Variants in PEBP4 observed in about 807,000 individuals in gnomAD.
The protein encoded by PEBP4 is phosphatidylethanolamine binding protein 4.
In PEBP4, 22 loss-of-function variants were observed where a neutral mutation model predicts 23.9. That is an observed-to-expected ratio of 0.92 (90% confidence interval 0.66 to 1.31). PEBP4 has a LOEUF of 1.31. Among genes scored for constraint, PEBP4 ranks in the 40% most tolerant of loss-of-function variants. The pLI, the probability that PEBP4 is intolerant of heterozygous loss-of-function variation, is 0.00. For missense variants in PEBP4, 324 were observed against 281.7 expected (o/e 1.15, Z -1.07); for synonymous variants, 112 against 99.3 (o/e 1.13, Z -0.76).
At chr8:22,886,026 C>T (rs1808365969) in intron 3 of PEBP4, 2 of 152,226 alleles carry the variant, frequency 1.3e-5, no homozygotes, top group African/African-American at 2.4e-5. Flanking sequence ...TTGTACTCAC[C>T]TGTTGATTCA....
intron 6 of PEBP4, among the ~76,000 whole-genome samples, chr8:22,722,740 C>T (rs1163314360): frequency 6.6e-6 from 1 of 151,494 alleles, no homozygotes; most frequent in Non-Finnish European, 1.5e-5. Flanking sequence ...AAGACTGGGA[C>T]CTTGGCTGGG....
chr8:22,795,178 T>TACA (rs1652774155), intron 4 of PEBP4, among the ~76,000 whole-genome samples: 1 of 88,248 alleles, frequency 1.1e-5, no homozygotes, highest in Non-Finnish European at 2.2e-5. Context: ...TTTTTTTTTT[T>TACA]TTTTTTTTTT....
intron 4 of PEBP4, among the ~76,000 whole-genome samples, chr8:22,751,795 G>A (rs923015178): frequency 6.6e-6 from 1 of 152,210 alleles, no homozygotes; most frequent in Non-Finnish European, 1.5e-5. Context: ...AGATGTGGAT[G>A]GGGCCCTTGG....
chr8:22,770,421 C>A (rs1019711040), intron 4 of PEBP4, among the ~76,000 whole-genome samples: 4 of 152,250 alleles, frequency 2.6e-5, no homozygotes, highest in African/African-American at 9.6e-5. Context: ...GTGTTCGATG[C>A]CCCTCTGGCC....
intron 6 of PEBP4, among the ~76,000 whole-genome samples, chr8:22,716,155 T>A (rs761471449): frequency 2.0e-4 from 30 of 152,182 alleles, no homozygotes; most frequent in Non-Finnish European, 3.1e-4. Context: ...GCCTGTCTCA[T>A]GAGCCACCTG....
At chr8:22,722,210 A>G (rs1211421765) in intron 6 of PEBP4, among the ~76,000 whole-genome samples, 2 of 151,658 alleles carry the variant, frequency 1.3e-5, no homozygotes, top group African/African-American at 4.9e-5. Flanking sequence ...GGTTTCTCCA[A>G]CCCAGAGCTC....
intron 3 of PEBP4, among the ~76,000 whole-genome samples, chr8:22,900,655 C>CAAAA (rs1808693236): frequency 1.0e-5 from 1 of 96,978 alleles, no homozygotes; most frequent in African/African-American, 4.0e-5. Context: ...GACTCTGTCT[C>CAAAA]CAAAAAAAAA....
chr8:22,740,964 C>A (rs1366509118), intron 4 of PEBP4, among the ~76,000 whole-genome samples: 1 of 152,192 alleles, frequency 6.6e-6, no homozygotes, highest in East Asian at 1.9e-4. Flanking sequence ...CATGCTCCCC[C>A]CACCTACCCT....
rs936757610 is a variant in PEBP4, at chr8:22,828,307, A to G, written c.259-10572T>C. On this transcript the variant is annotated intron_variant, in intron 3 of 6. Coordinates refer to ENST00000256404, the MANE Select transcript of PEBP4 (RefSeq NM_144962.3). Reference sequence around the variant, plus strand: ...CCCATCTGTACATGGGGTTGTACAAAGCCTTTGCCTTCCCTGCCTTCCCAG... The same window carrying G: ...CCCATCTGTACATGGGGTTGTACAAGGCCTTTGCCTTCCCTGCCTTCCCAG... Among the ~76,000 whole-genome samples, 8 of 152,116 alleles carry G rather than the reference A, an allele frequency of 5.3e-5. No homozygotes were observed. The East Asian group carries it at 5.8e-4, about 11-fold the overall frequency.
chr8:22,729,518 C>T (rs979372643), intron 4 of PEBP4, among the ~76,000 whole-genome samples: 18 of 152,242 alleles, frequency 1.2e-4, no homozygotes, highest in Admixed American at 9.2e-4. Context: ...GGTGGAAAGG[C>T]TGATCTGGAG....
At chr8:22,838,180 T>C (rs1807246336) in intron 3 of PEBP4, among the ~76,000 whole-genome samples, 1 of 152,164 alleles carries the variant, frequency 6.6e-6, no homozygotes, top group Non-Finnish European at 1.5e-5. Context: ...GGGTAATACA[T>C]GTGAGCCACC....
chr8:22,806,698 G>A (rs188895018), intron 4 of PEBP4, among the ~76,000 whole-genome samples: 4 of 151,666 alleles, frequency 2.6e-5, no homozygotes, highest in Admixed American at 2.6e-4. Context: ...CCAACTAGAA[G>A]ATTGGTACTA....
chr8:22,796,379 G>A (rs1475568061), intron 4 of PEBP4, among the ~76,000 whole-genome samples: 2 of 152,156 alleles, frequency 1.3e-5, no homozygotes, highest in African/African-American at 2.4e-5. Context: ...GCCCCATACA[G>A]TGCCCAGCAG....
chr8:22,852,493 G>A (rs1023727762), intron 3 of PEBP4, among the ~76,000 whole-genome samples: 60 of 151,844 alleles, frequency 4.0e-4, no homozygotes, highest in African/African-American at 1.2e-3. Context: ...CTTTCCCTCC[G>A]AGCCCACCTT....
intron 4 of PEBP4, among the ~76,000 whole-genome samples, chr8:22,781,676 C>A (rs1805918148): frequency 6.6e-6 from 1 of 152,196 alleles, no homozygotes; most frequent in African/African-American, 2.4e-5. Flanking sequence ...GGCCCAGCCA[C>A]CCGAAGACAT....
intron 4 of PEBP4, among the ~76,000 whole-genome samples, chr8:22,771,287 G>A (rs534300063): frequency 1.1e-3 from 175 of 152,276 alleles, no homozygotes; most frequent in African/African-American, 3.9e-3. Flanking sequence ...TCAAGAGTTC[G>A]AGACCAGCCT....
intron 4 of PEBP4, among the ~76,000 whole-genome samples, chr8:22,806,844 G>T (rs1045897201): frequency 6.6e-6 from 1 of 152,190 alleles, no homozygotes; most frequent in African/African-American, 2.4e-5. Context: ...GCCTGGCTCA[G>T]CCAAGCTGTA....
At chr8:22,733,605 C>T (rs766268295) in intron 4 of PEBP4, among the ~76,000 whole-genome samples, 1 of 152,094 alleles carries the variant, frequency 6.6e-6, no homozygotes, top group East Asian at 1.9e-4. Context: ...TACTCAGGCT[C>T]GTGGTGCCTC....
chr8:22,930,849 G>A (rs979485690), upstream of PEBP4, among the ~76,000 whole-genome samples: 7 of 151,972 alleles, frequency 4.6e-5, no homozygotes, highest in Non-Finnish European at 8.8e-5. Context: ...TCACCACCCC[G>A]GCTCCTGGAA....
Sources: gnomAD v4.1 joint callset for allele counts (sites outside exome capture counted in the v4.1 genomes callset) on GRCh38, gnomAD v4.1.1 for gene constraint, MANE v1.5 for transcripts, NCBI Gene and HGNC (gene_info 2026-07-23, HGNC 2026-07-21) for gene names.